The following THADA variants were observed in gnomAD, a reference collection of about 807,000 sequenced individuals.
THADA encodes the protein tRNA (32-2'-O)-methyltransferase regulator THADA.
In THADA, 213 loss-of-function variants were observed where a neutral mutation model predicts 219.8. The observed-to-expected ratio is 0.97, with a 90% CI of 0.87 to 1.09. The LOEUF is 1.09. Among genes scored for constraint, THADA ranks in the 50% least tolerant of loss-of-function variants. The pLI, the probability that THADA is intolerant of heterozygous loss-of-function variation, is 0.00. For missense variants in THADA, 2,956 were observed against 2,311.3 expected, an observed-to-expected ratio of 1.28 and a Z score of -5.72; for synonymous variants, 1,018 against 828.9, an observed-to-expected ratio of 1.23 and a Z score of -3.92.
chr2:43,593,242 CAG>C (rs1028680813), intron 1 of THADA, among the ~76,000 whole-genome samples: 2 of 151,974 alleles, frequency 1.3e-5, no homozygotes, highest in Non-Finnish European at 2.9e-5. Context: ...CAAGATGAAA[CAG>C]AAATAAATAC....
chr2:43,499,725 T>C (rs1378226131), intron 24 of THADA, among the ~76,000 whole-genome samples: 1 of 151,846 alleles, frequency 6.6e-6, no homozygotes, highest in Non-Finnish European at 1.5e-5. Context: ...TAAACACTGG[T>C]CAAATTTTTT....
At chr2:43,424,948 T>A (rs906064462) in intron 28 of THADA, among the ~76,000 whole-genome samples, 1 of 152,138 alleles carries the variant, frequency 6.6e-6, no homozygotes, top group East Asian at 1.9e-4. Flanking sequence ...AGACATTACG[T>A]CTATATCCAG....
chr2:43,470,533 A>C (rs1442226413), intron 26 of THADA, among the ~76,000 whole-genome samples: 1 of 152,146 alleles, frequency 6.6e-6, no homozygotes, highest in Non-Finnish European at 1.5e-5. Context: ...TGCCTCCTAT[A>C]AGCGAAAAAG....
At chr2:43,473,049 G>A (rs1685100085) in intron 26 of THADA, among the ~76,000 whole-genome samples, 1 of 152,078 alleles carries the variant, frequency 6.6e-6, no homozygotes, top group Non-Finnish European at 1.5e-5. Context: ...CACTACTGGA[G>A]ACTTTATAAA....
At chr2:43,556,714 C>G (rs1056769979) in intron 16 of THADA, among the ~76,000 whole-genome samples, 159 bp from the exon 17 acceptor site, 4 of 151,918 alleles carry the variant, frequency 2.6e-5, no homozygotes, top group African/African-American at 7.3e-5. Flanking sequence ...TACTTGAGGC[C>G]AGGAGCTCAA....
intron 30 of THADA, among the ~76,000 whole-genome samples, chr2:43,336,964 G>C (rs1666525750): frequency 6.6e-6 from 1 of 152,230 alleles, no homozygotes; most frequent in Non-Finnish European, 1.5e-5. Context: ...GTGGGAATTT[G>C]AGCCTGGTGG....
At chr2:43,294,815 G>A (rs1675169259) in intron 31 of THADA, among the ~76,000 whole-genome samples, 1 of 151,594 alleles carries the variant, frequency 6.6e-6, no homozygotes, top group Admixed American at 6.6e-5. Context: ...CTGAAGCCAA[G>A]GTGATCATTT....
At chr2:43,467,649 A>T (rs547823779) in intron 26 of THADA, among the ~76,000 whole-genome samples, 1 of 152,338 alleles carries the variant, frequency 6.6e-6, no homozygotes, top group Admixed American at 6.5e-5. Flanking sequence ...AATTTCTACT[A>T]AATTGAACCA....
At chr2:43,299,451 G>C (rs970087082) in intron 31 of THADA, among the ~76,000 whole-genome samples, 3 of 151,930 alleles carry the variant, frequency 2.0e-5, no homozygotes, top group Non-Finnish European at 4.4e-5. Context: ...CTGAGGTCAG[G>C]AGTTTGAGAC....
At chr2:43,536,866 AAAT>A (rs1397735511) in intron 21 of THADA, among the ~76,000 whole-genome samples, 1 of 152,228 alleles carries the variant, frequency 6.6e-6, no homozygotes, top group African/African-American at 2.4e-5. Flanking sequence ...TGTGAGAAAT[AAAT>A]AATAAGATTA....
At chr2:43,558,976 C>T (rs1558970470) in intron 16 of THADA, among the ~76,000 whole-genome samples, 1 of 152,074 alleles carries the variant, frequency 6.6e-6, no homozygotes, top group Non-Finnish European at 1.5e-5. Flanking sequence ...TTTAGAGATG[C>T]AGAGGTCCCC....
At chr2:43,551,973 T>G in intron 18 of THADA, 48 bp from the exon 19 acceptor site, 3 of 1,581,244 alleles carry the variant, frequency 1.9e-6, no homozygotes, top group Non-Finnish European at 2.6e-6. Flanking sequence ...AAAAATCACA[T>G]TTTAAAAATG....
chr2:43,539,063 T>A (rs1000266704), intron 21 of THADA, among the ~76,000 whole-genome samples: 1 of 152,230 alleles, frequency 6.6e-6, no homozygotes. Flanking sequence ...TCTTCATCCA[T>A]TGAGAGAAAA....
At chr2:43,586,215 T>C (rs1030798705) in intron 7 of THADA, among the ~76,000 whole-genome samples, 186 bp downstream of exon 7, 6 of 152,078 alleles carry the variant, frequency 3.9e-5, no homozygotes, top group African/African-American at 1.4e-4. Context: ...CAGCGAGCTA[T>C]GATCACACCA....
At chr2:43,245,170 TTC>T (rs1216985524) in intron 36 of THADA, among the ~76,000 whole-genome samples, 15 of 122,556 alleles carry the variant, frequency 1.2e-4, no homozygotes, top group Non-Finnish European at 1.8e-4. Flanking sequence ...TTCTTTCTTC[TTC>T]TTTTTTTTTT....
intron 36 of THADA, among the ~76,000 whole-genome samples, chr2:43,254,364 A>T (rs1670100183): frequency 6.6e-6 from 1 of 151,984 alleles, no homozygotes; most frequent in African/African-American, 2.4e-5. Context: ...TGAGTCCTTG[A>T]ATTATGTCAT....
intron 31 of THADA, among the ~76,000 whole-genome samples, chr2:43,319,850 A>G (rs1210307023): frequency 1.3e-5 from 2 of 152,168 alleles, no homozygotes; most frequent in South Asian, 2.1e-4. Flanking sequence ...TCTTATATAA[A>G]CACATCAAAA....
At chr2:43,324,180 T>C (rs1232631347) in intron 30 of THADA, among the ~76,000 whole-genome samples, 1 of 152,162 alleles carries the variant, frequency 6.6e-6, no homozygotes, top group Admixed American at 6.5e-5. Flanking sequence ...TTCCATGAGA[T>C]TTTCAGCTAA....
chr2:43,581,127 T>A (rs1161721907), intron 8 of THADA, among the ~76,000 whole-genome samples: 2 of 152,164 alleles, frequency 1.3e-5, no homozygotes, highest in African/African-American at 4.8e-5. Flanking sequence ...AATCTTATTA[T>A]AATAATAAAC....
Sources: allele counts gnomAD v4.1 joint callset (sites outside exome capture counted in the v4.1 genomes callset), GRCh38; gene constraint gnomAD v4.1.1; transcripts MANE v1.5; gene names NCBI Gene and HGNC (gene_info 2026-07-23, HGNC 2026-07-21).